Variants in STXBP3 observed in about 807,000 individuals in gnomAD.
STXBP3 encodes syntaxin-binding protein 3.
A neutral mutation model predicts 85.7 loss-of-function variants in STXBP3; 41 were observed. The observed-to-expected ratio is 0.48, with a 90% CI of 0.37 to 0.62. STXBP3 has a LOEUF of 0.62. STXBP3 is among the 20% of genes least tolerant of loss of function. The pLI is 0.00. For missense variants in STXBP3, 563 were observed against 703.1 expected, an observed-to-expected ratio of 0.80 and a Z score of 2.25; for synonymous variants, 229 against 231.7, an observed-to-expected ratio of 0.99 and a Z score of 0.10.
intron 1 of STXBP3, among the ~76,000 whole-genome samples, chr1:108,751,712 A>C (rs1661910334): frequency 6.6e-6 from 1 of 152,158 alleles, no homozygotes; most frequent in Non-Finnish European, 1.5e-5. Flanking sequence ...TCAGTGAACT[A>C]ATTTTTAAAA....
Position 108,796,667 on chromosome 1 carries a change from G to A in STXBP3, c.1297G>A (p.Glu433Lys). The change falls in exon 15 of 19, where the codon GAA becomes AAA. Residue 433 changes from glutamate (E) to lysine (K), a missense_variant. Transcript: ENST00000370008. ...CAGGTTGATCCAGAATGTAAAGATA[G>A]AAAATGAGAGTGACATGATTCGTAA... ...LDRLIQNVKI[E>K]NESDMIRNWS... 3.7e-6 allele frequency: 6 copies of A among 1,613,532 alleles called. No homozygotes were observed. The highest frequency in any genetic ancestry group is 4.2e-6 in the Non-Finnish European group (5 of 1,179,774).
intron 9 of STXBP3, chr1:108,781,504 G>A (rs1016159756): frequency 6.6e-6 from 1 of 152,096 alleles, no homozygotes; most frequent in African/African-American, 2.4e-5. Context: ...TTAAATTGTT[G>A]CTCACTTCAG....
chr1:108,751,539 T>C (rs1661906673), intron 1 of STXBP3, among the ~76,000 whole-genome samples: 1 of 151,994 alleles, frequency 6.6e-6, no homozygotes, highest in Non-Finnish European at 1.5e-5. Context: ...CTATAATTTA[T>C]ATTTTAATTA....
At chr1:108,753,283 C>G in intron 3 of STXBP3, 139 bp downstream of exon 3, 1 of 514,702 alleles carries the variant, frequency 1.9e-6, no homozygotes, top group Non-Finnish European at 3.2e-6. Flanking sequence ...ATTTAACATT[C>G]TTTTCTCTGA....
chr1:108,748,746 C>T (rs567287129), intron 1 of STXBP3, among the ~76,000 whole-genome samples: 3 of 152,004 alleles, frequency 2.0e-5, no homozygotes, highest in Non-Finnish European at 4.4e-5. Context: ...GTGGGAGGAT[C>T]GCTGGAGCCT....
intron 1 of STXBP3, 140 bp from the exon 2 acceptor site, chr1:108,752,117 G>C: frequency 1.4e-6 from 1 of 691,944 alleles, no homozygotes; most frequent in Admixed American, 3.0e-5. Flanking sequence ...GGATTTTTCC[G>C]TAAGGTTTAA....
chr1:108,790,450 A>G (rs1295836822), intron 11 of STXBP3, among the ~76,000 whole-genome samples: 2 of 152,014 alleles, frequency 1.3e-5, no homozygotes, highest in East Asian at 3.9e-4. Flanking sequence ...ACTTTCAACT[A>G]CCTGTGTCTT....
intron 18 of STXBP3, among the ~76,000 whole-genome samples, chr1:108,807,806 A>T (rs1663374709): frequency 1.3e-5 from 2 of 151,946 alleles, no homozygotes; most frequent in Admixed American, 1.3e-4. Context: ...CAAACTCCTG[A>T]CCTTAGGTGA....
chr1:108,764,835 T>C (rs1034814231), intron 6 of STXBP3, among the ~76,000 whole-genome samples: 3 of 152,250 alleles, frequency 2.0e-5, no homozygotes, highest in African/African-American at 7.2e-5. Flanking sequence ...GGTTGTCTGT[T>C]TACTCTGTTG....
intron 5 of STXBP3, chr1:108,758,912 G>A (rs1398553332): frequency 6.2e-6 from 1 of 161,052 alleles, no homozygotes; most frequent in Non-Finnish European, 1.4e-5. Context: ...ATCCTGTGCT[G>A]GTGACAGGAA....
At chr1:108,803,664 T>A (rs998726009) in intron 17 of STXBP3, among the ~76,000 whole-genome samples, 2 of 152,116 alleles carry the variant, frequency 1.3e-5, no homozygotes, top group African/African-American at 2.4e-5. Flanking sequence ...GATTTTTGTA[T>A]TTTTAGCAGA....
At chr1:108,777,540 A>G (rs1027582586) in intron 8 of STXBP3, among the ~76,000 whole-genome samples, 7 of 152,188 alleles carry the variant, frequency 4.6e-5, no homozygotes, top group Admixed American at 3.3e-4. Flanking sequence ...TTTTGAAGAC[A>G]GAATGGCTTA....
rs1244278411 is a variant in STXBP3, at chr1:108,772,320, TATG to T, written c.439-342_439-340del. ...GATATCTGTATCATATATAAATACA[TATG>T]ATATCTGTATCATATATAAATACAT... On this transcript the variant is annotated intron_variant, in intron 6 of 18. Coordinates refer to ENST00000370008, the MANE Select transcript of STXBP3 (RefSeq NM_007269.4). Among the ~76,000 whole-genome samples the T allele has an allele frequency of 7.4e-4, 50 of 67,346 alleles. 10 individuals are homozygous for T. Among genetic ancestry groups the T allele is most frequent in the Admixed American group, 6.4e-3 (49 of 7,620 alleles). The allele number at this position is 67,346 out of a possible 152,430, so 44.2% of individuals were successfully genotyped here. A position where few individuals can be genotyped will look rare whatever the true frequency, so the allele number is the denominator to read the frequency against.
chr1:108,808,408 A>T (rs774569082), intron 18 of STXBP3, among the ~76,000 whole-genome samples: 2 of 152,212 alleles, frequency 1.3e-5, no homozygotes, highest in African/African-American at 4.8e-5. Context: ...CTCCTGACCC[A>T]TGGAGGCGAT....
In STXBP3 at chr1:108,757,523, G is replaced by GA. The variant is rs780275346; in HGVS notation, c.258+766dup. On this transcript the variant is annotated intron_variant, in intron 4 of 18. Coordinates refer to ENST00000370008, the MANE Select transcript of STXBP3 (RefSeq NM_007269.4). ...TCCATAAGAGAAAAATTCATGATTGGAAAAAAAAATGCAACTTAAAAGTAC... is the reference window on the plus strand; with the variant it reads ...TCCATAAGAGAAAAATTCATGATTGGAAAAAAAAAATGCAACTTAAAAGTAC... Among the ~76,000 whole-genome samples the GA allele has an allele frequency of 2.2e-4, 33 of 150,042 alleles. No homozygotes were observed. The East Asian group carries it at 4.7e-3, about 21-fold the overall frequency.
In STXBP3 at chr1:108,808,847, G is replaced by T; in HGVS notation, c.1749G>T (p.Lys583Asn). Residue 583 changes from lysine to asparagine, a missense_variant, in exon 19 of 19, where the codon AAG (lysine) becomes AAT (asparagine). Lys to Asn is a moderately conservative substitution (Grantham distance 94, BLOSUM62 0). Transcript: ENST00000370008. ...ATATAAAGATGCTGAATAAACCCAAGGATAAAGTCTCCTTAATTAAAGATG... is the reference window on the plus strand; with the variant it reads ...ATATAAAGATGCTGAATAAACCCAATGATAAAGTCTCCTTAATTAAAGATG... ...LDDIKMLNKP[K>N]DKVSLIKDE is the part of the protein sequence containing the mutation. The T allele has an allele frequency of 6.2e-7, 1 of 1,611,836 alleles. No individual in the cohort carries two copies. Among genetic ancestry groups the T allele is most frequent in the South Asian group, 1.1e-5 (1 of 90,422 alleles).
In STXBP3 at chr1:108,793,610, T is replaced by A; in HGVS notation, c.992T>A (p.Met331Lys). 6.2e-7 allele frequency: 1 copy of A among 1,612,378 alleles called. No individual in the cohort carries two copies. The highest frequency in any genetic ancestry group is 8.5e-7 in the Non-Finnish European group (1 of 1,178,902). Reference protein sequence around the residue: ...KTSLSALTQLMKKMPHFRKQI... With the variant: ...KTSLSALTQLKKKMPHFRKQI... ...TCACTTAGTGCTCTTACCCAGCTGA[T>A]GAAAAAGATGCCCCATTTCCGAAAA... The change falls in exon 12 of 19, where the codon ATG (methionine) becomes AAG (lysine). Residue 331 changes from methionine to lysine, a missense_variant. Transcript: ENST00000370008.
chr1:108,787,906 C>G (rs1662893550), intron 11 of STXBP3, among the ~76,000 whole-genome samples: 1 of 152,074 alleles, frequency 6.6e-6, no homozygotes, highest in Admixed American at 6.6e-5. Flanking sequence ...CCTCCCACCT[C>G]AGGCCCCCAA....
At chr1:108,798,809 CTTTGT>C (rs1235916930) in intron 16 of STXBP3, among the ~76,000 whole-genome samples, 10 of 152,086 alleles carry the variant, frequency 6.6e-5, no homozygotes, top group East Asian at 1.9e-4. Flanking sequence ...AAAAATACTG[CTTTGT>C]TTTAATAACT....
Sources: gnomAD v4.1 joint callset for allele counts (sites outside exome capture counted in the v4.1 genomes callset) on GRCh38, gnomAD v4.1.1 for gene constraint, MANE v1.5 for transcripts, NCBI Gene and HGNC (gene_info 2026-07-23, HGNC 2026-07-21) for gene names.